TNR: variants seen among roughly 807,000 people sequenced by gnomAD.
The protein encoded by TNR is tenascin-R.
TNR carries 45 observed loss-of-function variants against 150.4 expected under a neutral mutation model. That is an observed-to-expected ratio of 0.30 (90% CI 0.24 to 0.38). The LOEUF is 0.38. Ranked by LOEUF, TNR falls within the 10% of genes least tolerant of loss-of-function variation. The pLI, the probability that TNR is intolerant of heterozygous loss-of-function variation, is 1.00. For synonymous variants in TNR, 687 were observed against 678.4 expected (o/e 1.01, Z -0.20); for missense variants, 1,544 against 1,759.1 (o/e 0.88, Z 2.19).
At chr1:175,566,848 C>A (rs549333477) in intron 1 of TNR, among the ~76,000 whole-genome samples, 36 of 152,280 alleles carry the variant, frequency 2.4e-4, no homozygotes, top group Non-Finnish European at 4.9e-4. Flanking sequence ...GAAAATAATT[C>A]TTATAACTTT....
chr1:175,728,427 T>G (rs1399895209), intron 1 of TNR, among the ~76,000 whole-genome samples: 1 of 152,224 alleles, frequency 6.6e-6, no homozygotes, highest in African/African-American at 2.4e-5. Context: ...TCCTAACGCC[T>G]GCTCTTCTGA....
At chr1:175,704,715 C>T (rs543576580) in intron 1 of TNR, among the ~76,000 whole-genome samples, 1 of 152,348 alleles carries the variant, frequency 6.6e-6, no homozygotes, top group African/African-American at 2.4e-5. Flanking sequence ...GCTCCTCCTT[C>T]AAAGAGCTGC....
intron 20 of TNR, among the ~76,000 whole-genome samples, chr1:175,333,059 A>G (rs960515342): frequency 1.3e-5 from 2 of 152,240 alleles, no homozygotes; most frequent in South Asian, 2.1e-4. Context: ...CATGAAAAGC[A>G]TGAAACACTT....
At chr1:175,354,715 C>G (rs1651236130) in intron 17 of TNR, among the ~76,000 whole-genome samples, 192 bp from the exon 18 acceptor site, 2 of 152,192 alleles carry the variant, frequency 1.3e-5, no homozygotes, top group Admixed American at 6.5e-5. Flanking sequence ...GAGATTTAGG[C>G]CAGCTCCTAT....
At chr1:175,478,259 A>G (rs992706636) in intron 2 of TNR, among the ~76,000 whole-genome samples, 3 of 152,210 alleles carry the variant, frequency 2.0e-5, no homozygotes, top group South Asian at 2.1e-4. Context: ...CCAACTTTCA[A>G]TATGTGTGCA....
At chr1:175,364,935 T>C in intron 12 of TNR, 75 bp downstream of exon 12, 1 of 1,507,178 alleles carries the variant, frequency 6.6e-7, no homozygotes, top group Non-Finnish European at 8.9e-7. Context: ...CTTTCTCTTT[T>C]AAAATTTCAT....
At chr1:175,701,284 C>G (rs771034321) in intron 1 of TNR, among the ~76,000 whole-genome samples, 31 of 152,310 alleles carry the variant, frequency 2.0e-4, no homozygotes, top group Middle Eastern at 6.8e-3. Flanking sequence ...TCTTCACCAT[C>G]GAAATGGATC....
At chr1:175,436,705 A>G (rs1655527665) in intron 2 of TNR, among the ~76,000 whole-genome samples, 1 of 152,160 alleles carries the variant, frequency 6.6e-6, no homozygotes, top group Admixed American at 6.5e-5. Context: ...CAAATGGAAA[A>G]CCAAAAAAAG....
intron 2 of TNR, among the ~76,000 whole-genome samples, chr1:175,493,091 G>A (rs1658331073): frequency 6.6e-6 from 1 of 152,060 alleles, no homozygotes; most frequent in South Asian, 2.1e-4. Flanking sequence ...TCAGAAGGCA[G>A]GTGTCATTTC....
intron 1 of TNR, among the ~76,000 whole-genome samples, chr1:175,681,577 C>T (rs1666035827): frequency 2.0e-5 from 3 of 152,210 alleles, no homozygotes; most frequent in Admixed American, 2.0e-4. Context: ...ACTCAGCATG[C>T]TCCTTCCTGT....
At chr1:175,547,091 T>C (rs963689210) in intron 1 of TNR, among the ~76,000 whole-genome samples, 2 of 152,234 alleles carry the variant, frequency 1.3e-5, no homozygotes, top group Non-Finnish European at 2.9e-5. Context: ...AGGCACAGCA[T>C]ACACATTAGC....
rs1346203649 is a variant in TNR at position 175,393,813 on chromosome 1, G to A, written c.1323C>T (p.Ser441=). The A allele has an allele frequency of 1.2e-6, 2 of 1,614,038 alleles. No individual in the cohort carries two copies. The highest frequency in any genetic ancestry group is 2.7e-5 in the African/African-American group (2 of 74,914). Residue 441 remains serine (S), a synonymous_variant, in exon 6 of 23, where the codon TCC becomes TCT. Transcript: ENST00000367674. ...TGAAGCTGATTTCCCACCCATCGAA[G>A]GAAAATGAGAAGGGCTCCCACTGCA... ...VEVQWEPFSF[S]FDGWEISFIP...
chr1:175,347,260 A>G (rs1650838267), intron 18 of TNR, among the ~76,000 whole-genome samples: 1 of 152,182 alleles, frequency 6.6e-6, no homozygotes, highest in Non-Finnish European at 1.5e-5. Flanking sequence ...TTTAACAACA[A>G]AGCTTATTAC....
intron 1 of TNR, among the ~76,000 whole-genome samples, chr1:175,529,530 A>G (rs755799648): frequency 6.6e-6 from 1 of 152,176 alleles, no homozygotes; most frequent in African/African-American, 2.4e-5. Context: ...CTGGTCATCA[A>G]TGGGTTTGCC....
At chr1:175,594,632 A>G (rs1234204923) in intron 1 of TNR, among the ~76,000 whole-genome samples, 1 of 152,130 alleles carries the variant, frequency 6.6e-6, no homozygotes, top group Non-Finnish European at 1.5e-5. Context: ...AAGCGGGCCA[A>G]TGTCTTGAGC....
chr1:175,477,267 G>T (rs962756773), intron 2 of TNR, among the ~76,000 whole-genome samples: 1 of 152,136 alleles, frequency 6.6e-6, no homozygotes, highest in African/African-American at 2.4e-5. Context: ...TAGCTCCCGC[G>T]TAAGAGGAGA....
At chr1:175,512,617 G>T (rs1280190346) in intron 2 of TNR, among the ~76,000 whole-genome samples, 2 of 152,216 alleles carry the variant, frequency 1.3e-5, no homozygotes, top group Non-Finnish European at 2.9e-5. Context: ...TTAGAATGGA[G>T]ACTAAAAGAG....
chr1:175,363,807 T>G lies in TNR; in HGVS notation c.2608A>C (p.Ile870Leu). ...ITTGIDPPKD[I>L]TISNVTKDSV... ...TCCTTGGTCACATTGCTAATTGTGA[T>G]GTCTTTTGGGGGATCAATTCCTACA... Residue 870 changes from isoleucine to leucine, a missense_variant, in exon 13 of 23, where the codon ATC (isoleucine) becomes CTC (leucine). By Grantham distance (5) the Ile-to-Leu change is conservative. Transcript: ENST00000367674. 2 of 1,613,546 alleles carry G rather than the reference T, an allele frequency of 1.2e-6. No homozygotes were observed. Among genetic ancestry groups the G allele is most frequent in the Non-Finnish European group, 1.7e-6 (2 of 1,179,694 alleles).
chr1:175,366,714 C>T (rs1326171109), intron 10 of TNR, among the ~76,000 whole-genome samples: 1 of 152,216 alleles, frequency 6.6e-6, no homozygotes, highest in Non-Finnish European at 1.5e-5. Context: ...GAAATTTACC[C>T]AGGATTTGGA....
Sources: gnomAD v4.1 joint callset for allele counts (sites outside exome capture counted in the v4.1 genomes callset) on GRCh38, gnomAD v4.1.1 for gene constraint, MANE v1.5 for transcripts, NCBI Gene and HGNC (gene_info 2026-07-23, HGNC 2026-07-21) for gene names.